The following NRK variants were observed in gnomAD, a reference collection of about 807,000 sequenced individuals.
The protein encoded by NRK is nik-related protein kinase.
NRK carries 67 observed loss-of-function variants against 125.2 expected under a neutral mutation model. The observed-to-expected ratio is 0.54, with a 90% CI of 0.44 to 0.66. The LOEUF (loss-of-function observed/expected upper bound fraction) is 0.66. Ranked by LOEUF, NRK falls within the 30% of genes least tolerant of loss-of-function variation. NRK has a pLI of 0.00. For synonymous variants in NRK, 458 were observed against 429.0 expected, an observed-to-expected ratio of 1.07 and a Z score of -0.84; for missense variants, 1,224 against 1,192.9, an observed-to-expected ratio of 1.03 and a Z score of -0.38.
chrX:105,835,583 T>C lies in NRK; in HGVS notation c.123+4464T>C, dbSNP rs199562628. Among the ~76,000 whole-genome samples, 12 of 109,973 alleles carry C rather than the reference T, an allele frequency of 1.1e-4. No homozygotes were observed. The East Asian group carries it at 3.4e-3, about 31-fold the overall frequency. ...TCTAGTGGTAGGATACTTCTAATTGTTTGGGCCCACAACTAATTCTTGCCC... is the reference window on the plus strand; with the variant it reads ...TCTAGTGGTAGGATACTTCTAATTGCTTGGGCCCACAACTAATTCTTGCCC... On this transcript the variant is annotated intron_variant, in intron 2 of 28. Coordinates refer to ENST00000243300, the MANE Select transcript of NRK (RefSeq NM_198465.4).
chrX:105,943,871 G>T, intron 23 of NRK, 70 bp from the exon 24 acceptor site: 1 of 552,364 alleles, frequency 1.8e-6, no homozygotes, highest in South Asian at 3.4e-5. Context: ...CATTTTTTAT[G>T]ACAAATACAA....
At chrX:105,921,660 T>C (rs2040449806) in intron 16 of NRK, among the ~76,000 whole-genome samples, 1 of 108,425 alleles carries the variant, frequency 9.2e-6, no homozygotes, top group Non-Finnish European at 1.9e-5. Context: ...TGGCTATCAG[T>C]TGGACTATGT....
intron 2 of NRK, among the ~76,000 whole-genome samples, chrX:105,852,824 A>G (rs1388404260): frequency 8.9e-6 from 1 of 112,052 alleles, no homozygotes; most frequent in African/African-American, 3.2e-5. Flanking sequence ...TGGAATTAAA[A>G]TCTAGTCACT....
intron 2 of NRK, among the ~76,000 whole-genome samples, chrX:105,856,330 T>C (rs2147672485): frequency 8.9e-6 from 1 of 111,959 alleles, no homozygotes. Flanking sequence ...TAATGCTCCT[T>C]GAATGTCATG....
At chrX:105,888,224 C>T in intron 4 of NRK, 70 bp from the exon 5 acceptor site, 10 of 879,628 alleles carry the variant, frequency 1.1e-5, no homozygotes, top group Non-Finnish European at 1.5e-5. Context: ...CATTGATATA[C>T]TGTACTTTAG....
At chrX:105,834,268 T>C (rs1371444844) in intron 2 of NRK, among the ~76,000 whole-genome samples, 1 of 112,094 alleles carries the variant, frequency 8.9e-6, no homozygotes, top group Non-Finnish European at 1.9e-5. Flanking sequence ...TTGAGAGTTA[T>C]TATTTTTTTC....
intron 25 of NRK, 70 bp from the exon 26 acceptor site, chrX:105,946,245 T>A: frequency 2.1e-6 from 2 of 948,696 alleles, no homozygotes; most frequent in Non-Finnish European, 2.9e-6. Flanking sequence ...GACAAAAGAG[T>A]GAGGGAATTT....
intron 2 of NRK, among the ~76,000 whole-genome samples, chrX:105,869,458 T>C (rs1451678719): frequency 5.4e-5 from 6 of 111,571 alleles, no homozygotes; most frequent in African/African-American, 1.6e-4. Context: ...TCATTTTCTC[T>C]TCTATTCTTT....
At chrX:105,948,490 G>A in intron 26 of NRK, 1 of 348,839 alleles carries the variant, frequency 2.9e-6, no homozygotes, top group Non-Finnish European at 4.9e-6. Context: ...AGAATATCTA[G>A]TTACTTCAGG....
At chrX:105,848,296 C>T (rs1047882778) in intron 2 of NRK, among the ~76,000 whole-genome samples, 3 of 111,406 alleles carry the variant, frequency 2.7e-5, no homozygotes, top group African/African-American at 9.8e-5. Flanking sequence ...GTCCCTAACT[C>T]ACTCCCACTC....
chrX:105,932,042 C>T (rs2040602302), intron 19 of NRK, among the ~76,000 whole-genome samples: 1 of 110,829 alleles, frequency 9.0e-6, no homozygotes, highest in Non-Finnish European at 1.9e-5. Flanking sequence ...CTCTATTCTA[C>T]TTTTTTTTCT....
intron 2 of NRK, among the ~76,000 whole-genome samples, chrX:105,860,929 A>C (rs1475107567): frequency 1.8e-5 from 2 of 111,007 alleles, no homozygotes; most frequent in Non-Finnish European, 3.8e-5. Flanking sequence ...AATAATGTTG[A>C]CATGACCATT....
At chrX:105,911,600 C>T (rs1010806664) in intron 13 of NRK, among the ~76,000 whole-genome samples, 5 of 110,486 alleles carry the variant, frequency 4.5e-5, no homozygotes, top group Admixed American at 3.9e-4. Flanking sequence ...GAAGCAAGGC[C>T]CAAAAGGGAA....
intron 9 of NRK, among the ~76,000 whole-genome samples, chrX:105,902,054 G>A (rs1017193971): frequency 9.1e-6 from 1 of 110,137 alleles, no homozygotes; most frequent in African/African-American, 3.3e-5. Flanking sequence ...ATGCCTTTCC[G>A]GGAAACCAAC....
chrX:105,852,299 CT>C (rs2039482287), intron 2 of NRK, among the ~76,000 whole-genome samples: 1 of 111,659 alleles, frequency 9.0e-6, no homozygotes, highest in African/African-American at 3.3e-5. Context: ...GTAGATTTGG[CT>C]GTTTTAAGTT....
Position 105,909,318 on chromosome X carries a change from A to G in NRK, c.1677A>G (p.Pro559=). The part of the protein sequence containing the change: ...ELEQNQAPEQ[P]EVQEQAAEPA... ...AGCAGAACCAGGCACCTGAACAGCC[A>G]GAGGTACAGGAACAGGCTGCCGAGC... The change falls in exon 13 of 29, where the codon CCA becomes CCG. Residue 559 remains proline (P), a synonymous_variant. Coordinates refer to ENST00000243300, the MANE Select transcript of NRK (RefSeq NM_198465.4). 3 of 1,206,323 alleles carry G rather than the reference A, an allele frequency of 2.5e-6. No homozygotes were observed. Among genetic ancestry groups the G allele is most frequent in the Non-Finnish European group, 2.2e-6 (2 of 892,138 alleles).
In NRK at chrX:105,939,912, T is replaced by C. The variant is rs56136869; in HGVS notation, c.3838T>C (p.Leu1280=). The C allele has an allele frequency of 8.0e-4, 956 of 1,190,396 alleles. 7 individuals carry two copies. In the East Asian group the frequency reaches 0.02, roughly 25 times the overall value. ...ACTTCGGGTGTATCATCTGACCTGGTTGAGGAACAAGATTTTGAATAATGA... is the reference window on the plus strand; with the variant it reads ...ACTTCGGGTGTATCATCTGACCTGGCTGAGGAACAAGATTTTGAATAATGA... The part of the protein sequence containing the change: ...NRLRVYHLTW[L]RNKILNNDPE... The change falls in exon 23 of 29, where the codon TTG becomes CTG. Residue 1280 remains leucine (L), a synonymous_variant. Transcript: ENST00000243300.
intron 9 of NRK, among the ~76,000 whole-genome samples, chrX:105,901,398 C>G (rs2040155149): frequency 1.8e-5 from 2 of 111,396 alleles, no homozygotes; most frequent in African/African-American, 6.5e-5. Context: ...TCCTTAGTAC[C>G]TAAAATCCAA....
At chrX:105,952,695 A>G (rs1272798972) in intron 27 of NRK, among the ~76,000 whole-genome samples, 1 of 112,114 alleles carries the variant, frequency 8.9e-6, no homozygotes, top group Non-Finnish European at 1.9e-5. Flanking sequence ...TAGACTATAA[A>G]ATGAAGAGTG....
Sources: gnomAD v4.1 joint callset for allele counts (sites outside exome capture counted in the v4.1 genomes callset) on GRCh38, gnomAD v4.1.1 for gene constraint, MANE v1.5 for transcripts, NCBI Gene and HGNC (gene_info 2026-07-23, HGNC 2026-07-21) for gene names.